The following MTUS2 variants were observed in gnomAD, a reference collection of about 807,000 sequenced individuals.
MTUS2 encodes the protein microtubule-associated tumor suppressor candidate 2.
In MTUS2, 40 loss-of-function variants were observed where a neutral mutation model predicts 114.1. The ratio of observed to expected loss-of-function variants is 0.35; its 90% CI spans 0.27 to 0.46. The LOEUF (loss-of-function observed/expected upper bound fraction) is 0.46, where lower values mean the gene tolerates loss of function less well. Ranked by LOEUF, MTUS2 falls within the 20% of genes least tolerant of loss-of-function variation. The pLI is 1.00. For synonymous variants in MTUS2, 688 were observed against 672.0 expected, an observed-to-expected ratio of 1.02 and a Z score of -0.37; for missense variants, 1,679 against 1,705.4, an observed-to-expected ratio of 0.98 and a Z score of 0.27.
intron 4 of MTUS2, among the ~76,000 whole-genome samples, chr13:29,068,439 A>G (rs929451296): frequency 1.5e-4 from 7 of 47,114 alleles, no homozygotes; most frequent in Admixed American, 1.3e-3. Context: ...TGTAATAAAT[A>G]TTTCTCAATT....
intron 8 of MTUS2, among the ~76,000 whole-genome samples, chr13:29,427,722 A>C (rs1358580072): frequency 6.6e-6 from 1 of 152,222 alleles, no homozygotes; most frequent in Non-Finnish European, 1.5e-5. Flanking sequence ...AAAATCATCT[A>C]GTTCTAACAA....
intron 8 of MTUS2, among the ~76,000 whole-genome samples, chr13:29,362,114 C>G (rs759815441): frequency 6.6e-5 from 10 of 152,292 alleles, no homozygotes; most frequent in Non-Finnish European, 1.5e-4. Flanking sequence ...TTCATAATAA[C>G]TCTTCACAAA....
chr13:29,057,612 T>C (rs770464923), intron 4 of MTUS2, among the ~76,000 whole-genome samples: 4 of 152,186 alleles, frequency 2.6e-5, no homozygotes, highest in Admixed American at 1.3e-4. Flanking sequence ...GAAATTAGAA[T>C]AGCAATCTCT....
intron 6 of MTUS2, chr13:29,306,718 C>T (rs1021037980): frequency 7.1e-6 from 2 of 282,260 alleles, no homozygotes; most frequent in Admixed American, 9.0e-5. Context: ...CTCCCTGCTT[C>T]TCCTGTTCGA....
chr13:28,966,739 A>AC (rs1883608866), intron 2 of MTUS2, among the ~76,000 whole-genome samples: 1 of 151,704 alleles, frequency 6.6e-6, no homozygotes, highest in Non-Finnish European at 1.5e-5. Context: ...AAAAAAAAAA[A>AC]AAAAAAAAAC....
intron 5 of MTUS2, among the ~76,000 whole-genome samples, chr13:29,177,393 T>TAA (rs1893817593): frequency 4.6e-5 from 7 of 150,604 alleles, no homozygotes; most frequent in African/African-American, 1.7e-4. Flanking sequence ...ATAATAATAA[T>TAA]TATTTAAAGA....
At chr13:29,239,145 G>A (rs11618502) in intron 5 of MTUS2, among the ~76,000 whole-genome samples, 9,225 of 152,178 alleles carry the variant, frequency 0.061, 299 homozygotes, top group Middle Eastern at 0.078. Flanking sequence ...GTGTGAGGTG[G>A]TGAATGTATT....
chr13:29,213,554 A>G (rs1895544360), intron 5 of MTUS2, among the ~76,000 whole-genome samples: 1 of 152,148 alleles, frequency 6.6e-6, no homozygotes, highest in African/African-American at 2.4e-5. Flanking sequence ...TATCATTTTG[A>G]TGAATTGGCC....
At chr13:28,905,299 G>A (rs1455512523) in intron 2 of MTUS2, among the ~76,000 whole-genome samples, 7 of 151,606 alleles carry the variant, frequency 4.6e-5, no homozygotes, top group African/African-American at 1.7e-4. Flanking sequence ...ATGTTGAATA[G>A]GAGTGGTGAC....
intron 4 of MTUS2, among the ~76,000 whole-genome samples, chr13:29,039,140 C>T (rs531475354): frequency 3.9e-5 from 6 of 152,320 alleles, no homozygotes; most frequent in Admixed American, 2.6e-4. Context: ...GACTTTGTAG[C>T]GGTCCTTGAC....
At chr13:28,888,419 CTTTTTTTTT>C (rs11447851) in intron 2 of MTUS2, among the ~76,000 whole-genome samples, 22 of 135,794 alleles carry the variant, frequency 1.6e-4, no homozygotes, top group African/African-American at 5.7e-4. Context: ...CTCTTGGCAT[CTTTTTTTTT>C]TTTTTTTTGA....
chr13:29,262,342 T>C (rs1165991568), intron 5 of MTUS2, among the ~76,000 whole-genome samples: 1 of 152,202 alleles, frequency 6.6e-6, no homozygotes, highest in Non-Finnish European at 1.5e-5. Context: ...CCTTTCTCTT[T>C]TACATTTGTG....
At chr13:29,243,867 G>A (rs941930813) in intron 5 of MTUS2, among the ~76,000 whole-genome samples, 12 of 152,328 alleles carry the variant, frequency 7.9e-5, no homozygotes, top group African/African-American at 2.2e-4. Context: ...CTAATTTATA[G>A]CCAGGGTTGA....
chr13:29,197,064 T>A (rs1222264699), intron 5 of MTUS2, among the ~76,000 whole-genome samples: 2 of 152,204 alleles, frequency 1.3e-5, no homozygotes, highest in African/African-American at 4.8e-5. Context: ...CAATTTTTTT[T>A]ATTATACTTT....
In MTUS2 at chr13:29,476,139, C is replaced by T. The variant is rs114291144; in HGVS notation, c.3185-4011C>T. ...TTATAACTTCCTACAGTATTCAGTA[C>T]AGTAACATGCTCTACAGGTTTGTAG... is the stretch of plus-strand genomic sequence containing the variant. On this transcript the variant is annotated intron_variant, in intron 9 of 15. Coordinates refer to ENST00000612955, the MANE Select transcript of MTUS2 (RefSeq NM_001033602.4). Among the ~76,000 whole-genome samples the T allele has an allele frequency of 5.4e-3, 822 of 152,216 alleles. 4 individuals are homozygous for T. Among genetic ancestry groups the T allele is most frequent in the African/African-American group, 0.019 (781 of 41,510 alleles).
chr13:28,923,884 C>T (rs1454959208), intron 2 of MTUS2, among the ~76,000 whole-genome samples: 3 of 152,106 alleles, frequency 2.0e-5, no homozygotes, highest in Non-Finnish European at 4.4e-5. Flanking sequence ...TAGGGTCAGA[C>T]CCTGGATACT....
intron 2 of MTUS2, among the ~76,000 whole-genome samples, chr13:28,856,995 C>A (rs7336122): frequency 6.6e-6 from 1 of 152,120 alleles, no homozygotes; most frequent in Admixed American, 6.5e-5. Flanking sequence ...AACATCTGAG[C>A]GGTTGCGCAC....
chr13:29,366,539 A>G (rs1401493732), intron 8 of MTUS2, among the ~76,000 whole-genome samples: 2 of 152,184 alleles, frequency 1.3e-5, no homozygotes, highest in African/African-American at 4.8e-5. Context: ...ACACTTAAGC[A>G]CCAGAAAGTG....
In MTUS2 at chr13:29,498,548, C is replaced by T. The variant is rs1444418832; in HGVS notation, c.3798+11C>T. 1 of 1,613,752 alleles carries T rather than the reference C, an allele frequency of 6.2e-7. No homozygotes were observed. The highest frequency in any genetic ancestry group is 1.3e-5 in the African/African-American group (1 of 74,920). On this transcript the variant is annotated intron_variant, in intron 14 of 15. Transcript: ENST00000612955. ...GAGCTGGAAAAGCTGGTGAGTTGGT[C>T]TGTTTGCTCGGGAGAGTAACCTCCA...
Sources: gnomAD v4.1 joint callset for allele counts (sites outside exome capture counted in the v4.1 genomes callset) on GRCh38, gnomAD v4.1.1 for gene constraint, MANE v1.5 for transcripts, NCBI Gene and HGNC (gene_info 2026-07-23, HGNC 2026-07-21) for gene names.